The following PPARGC1B variants were observed in gnomAD, a reference collection of about 807,000 sequenced individuals.
PPARGC1B encodes the protein PPARG coactivator 1 beta.
In PPARGC1B, 34 loss-of-function variants were observed where a neutral mutation model predicts 101.6. The observed-to-expected ratio is 0.33, with a 90% CI of 0.25 to 0.45. The LOEUF is 0.45. Ranked by LOEUF, PPARGC1B falls within the 20% of genes least tolerant of loss-of-function variation. The pLI, the probability that PPARGC1B is intolerant of heterozygous loss-of-function variation, is 1.00. For missense variants in PPARGC1B, 1,234 were observed against 1,317.6 expected (o/e 0.94, Z 0.98); for synonymous variants, 548 against 539.3 (o/e 1.02, Z -0.22).
chr5:149,817,779 G>C, intron 1 of PPARGC1B: 1 of 456,758 alleles, frequency 2.2e-6, no homozygotes, highest in Non-Finnish European at 4.4e-6. Context: ...AGTGTACAAA[G>C]TGAGTGTTCT....
At position 149,842,225 on chromosome 5, in the gene PPARGC1B, G is replaced by C. The variant is rs26127; in HGVS notation, c.2695-31G>C. 0.26 allele frequency: 412,560 copies of C among 1,603,292 alleles called. 56,152 individuals are homozygous for C. Among genetic ancestry groups the C allele is most frequent in the African/African-American group, 0.43 (32,050 of 74,736 alleles). ...GGGCCCCAGGAAGCCAGGCAATGAC[G>C]GAGTCTCTCTCTGTCCTCCTTCTTG... On this transcript the variant is annotated intron_variant, in intron 9 of 11. Coordinates refer to ENST00000309241, the MANE Select transcript of PPARGC1B (RefSeq NM_133263.4).
intron 1 of PPARGC1B, among the ~76,000 whole-genome samples, chr5:149,737,546 T>C (rs1754766722): frequency 6.6e-6 from 1 of 152,226 alleles, no homozygotes; most frequent in South Asian, 2.1e-4. Flanking sequence ...ATCTTCTGTG[T>C]GGCAGTACGC....
chr5:149,777,821 A>AGAGTATCCGGCTGCTTGTATCCATGTAG (rs1756425483), intron 1 of PPARGC1B, among the ~76,000 whole-genome samples: 1 of 134,286 alleles, frequency 7.4e-6, no homozygotes, highest in Non-Finnish European at 1.6e-5. Flanking sequence ...ACACACACAC[A>AGAGTATCCGGCTGCTTGTATCCATGTAG]CACACAGTAT....
intron 1 of PPARGC1B, among the ~76,000 whole-genome samples, chr5:149,792,235 C>T (rs1469193137): frequency 6.6e-6 from 1 of 152,102 alleles, no homozygotes; most frequent in Non-Finnish European, 1.5e-5. Context: ...GAGCTTGCAT[C>T]GATAGTCCCT....
intron 1 of PPARGC1B, among the ~76,000 whole-genome samples, chr5:149,750,476 A>ATATATATATATATATATATATATATG (rs1329559486): frequency 3.4e-5 from 4 of 118,170 alleles, no homozygotes; most frequent in Non-Finnish European, 6.8e-5. Flanking sequence ...ATATATATAT[A>ATATATATATATATATATATATATATG]TATATATATA....
Position 149,850,483 on chromosome 5 carries a change from A to G in PPARGC1B, c.*2925A>G, listed in dbSNP as rs1759725883. ...GTAGTCTCTACTTGCTATCCCGTAC[A>G]TAAAATGCTACAAGTTCTAAAATTT... On this transcript the variant is annotated 3_prime_UTR_variant, in exon 12 of 12. Coordinates refer to ENST00000309241, the MANE Select transcript of PPARGC1B (RefSeq NM_133263.4). 2 of 152,240 alleles carry G rather than the reference A, an allele frequency of 1.3e-5. No individual in the cohort carries two copies. The highest frequency in any genetic ancestry group is 2.1e-4 in the South Asian group (1 of 4,834). 9.4% of individuals were successfully genotyped at this position (152,240 alleles called of 1,614,324 possible). A position where few individuals can be genotyped will look rare whatever the true frequency, so the allele number is the denominator to read the frequency against.
intron 1 of PPARGC1B, among the ~76,000 whole-genome samples, chr5:149,769,397 AC>A (rs1050612069): frequency 4.6e-5 from 7 of 152,182 alleles, no homozygotes; most frequent in African/African-American, 1.7e-4. Context: ...TTTCTCACTT[AC>A]AAATGACAAT....
intron 3 of PPARGC1B, among the ~76,000 whole-genome samples, chr5:149,828,584 T>TA (rs762128965): frequency 6.6e-6 from 1 of 152,226 alleles, no homozygotes; most frequent in South Asian, 2.1e-4. Context: ...AACCAAAGCT[T>TA]AAAGAGGCAA....
chr5:149,830,918 T>G, intron 4 of PPARGC1B, 35 bp downstream of exon 4: 1 of 1,438,260 alleles, frequency 7.0e-7, no homozygotes, highest in Non-Finnish European at 9.8e-7. Context: ...CTACCCCAGG[T>G]GTCTGTTGGG....
At chr5:149,766,328 T>C (rs905804921) in intron 1 of PPARGC1B, among the ~76,000 whole-genome samples, 2 of 152,328 alleles carry the variant, frequency 1.3e-5, no homozygotes, top group East Asian at 3.9e-4. Flanking sequence ...AGAGCCTTAA[T>C]AATCAGTTAA....
intron 10 of PPARGC1B, among the ~76,000 whole-genome samples, chr5:149,844,783 T>G (rs1310316286): frequency 6.6e-6 from 1 of 152,252 alleles, no homozygotes; most frequent in Non-Finnish European, 1.5e-5. Context: ...AATGCCACTT[T>G]GTCTCTGCCT....
chr5:149,839,180 A>C (rs1759231493), intron 8 of PPARGC1B, among the ~76,000 whole-genome samples: 1 of 152,232 alleles, frequency 6.6e-6, no homozygotes, highest in Non-Finnish European at 1.5e-5. Context: ...CTAAGCATTG[A>C]CATGCACTTT....
In PPARGC1B at chr5:149,832,765, G is replaced by A; in HGVS notation, c.692G>A (p.Gly231Asp). The A allele has an allele frequency of 1.2e-6, 2 of 1,613,078 alleles. No homozygotes were observed. The highest frequency in any genetic ancestry group is 1.7e-6 in the Non-Finnish European group (2 of 1,179,468). The change falls in exon 5 of 12, where the codon GGT (glycine) becomes GAT (aspartate). Residue 231 changes from glycine to aspartate, a missense_variant. Around this residue, in one of 3 missense-constraint regions of PPARGC1B, gnomAD observed 734 missense variants for 768.4 expected, o/e 0.96. Coordinates refer to ENST00000309241, the MANE Select transcript of PPARGC1B (RefSeq NM_133263.4). The surrounding 1 kb of genome is among the most constrained non-coding windows in gnomAD (Gnocchi z 4.9). ...GCACAGTGCTGCCTGCAGGATCGGG[G>A]TCTGCAGCCACCATGCCTCCAGAGT... ...TSAQCCLQDR[G>D]LQPPCLQSPR...
intron 1 of PPARGC1B, among the ~76,000 whole-genome samples, chr5:149,731,634 T>G (rs1291707249): frequency 4.9e-3 from 252 of 51,236 alleles, no homozygotes; most frequent in Admixed American, 5.9e-3. Flanking sequence ...GGGAGGGAGG[T>G]GGGAGGAGAG....
intron 1 of PPARGC1B, among the ~76,000 whole-genome samples, chr5:149,731,941 G>C (rs1754495110): frequency 6.6e-6 from 1 of 152,162 alleles, no homozygotes; most frequent in Admixed American, 6.5e-5. Context: ...GGTCGGTGGC[G>C]GGCGCGCTCG....
intron 3 of PPARGC1B, among the ~76,000 whole-genome samples, chr5:149,827,990 T>C (rs1445963562): frequency 6.6e-6 from 1 of 152,158 alleles, no homozygotes; most frequent in African/African-American, 2.4e-5. Flanking sequence ...GGGAGGGTTC[T>C]TAGGTTATGG....
rs1223294628 is a variant in PPARGC1B at position 149,842,681 on chromosome 5, G to GTTCAGACAAGT, written c.2816+306_2816+316dup. 2.6e-5 allele frequency among the ~76,000 whole-genome samples: 4 copies of GTTCAGACAAGT among 152,394 alleles called. No homozygotes were observed. The East Asian group carries it at 7.7e-4, about 29-fold the overall frequency. On this transcript the variant is annotated intron_variant, in intron 10 of 11. Transcript: ENST00000309241. Reference sequence around the variant, plus strand: ...TTCAATTGCTCTCCTTTCTGCAGGAGTTCAGACAAGTTAGCTGGGCAGCTA... The same window carrying GTTCAGACAAGT: ...TTCAATTGCTCTCCTTTCTGCAGGAGTTCAGACAAGTTTCAGACAAGTTAGCTGGGCAGCTA...
chr5:149,820,757 T>C (rs2113356858), intron 2 of PPARGC1B, 151 bp downstream of exon 2: 2 of 772,530 alleles, frequency 2.6e-6, no homozygotes, highest in South Asian at 3.7e-5. Context: ...TTTCTCGTGC[T>C]GGATGGGCCC....
chr5:149,767,896 G>A (rs1755975143), intron 1 of PPARGC1B, among the ~76,000 whole-genome samples: 1 of 152,136 alleles, frequency 6.6e-6, no homozygotes, highest in Non-Finnish European at 1.5e-5. Context: ...TACATGTATT[G>A]TGTACTTTAT....
Sources: gnomAD v4.1 joint callset for allele counts (sites outside exome capture counted in the v4.1 genomes callset) on GRCh38, gnomAD v4.1.1 for gene constraint, gnomAD v4.1.1 regional missense constraint, Gnocchi (gnomAD v3.1) non-coding constraint, MANE v1.5 for transcripts, NCBI Gene and HGNC (gene_info 2026-07-23, HGNC 2026-07-21) for gene names.